Variants in SMCO2 observed in about 807,000 individuals in gnomAD.
The protein encoded by SMCO2 is single-pass membrane and coiled-coil domain-containing protein 2.
A neutral mutation model predicts 29.5 loss-of-function variants in SMCO2; 25 were observed. The ratio of observed to expected loss-of-function variants is 0.85; its 90% CI spans 0.62 to 1.18. The LOEUF (loss-of-function observed/expected upper bound fraction) is 1.18. Among genes scored for constraint, SMCO2 ranks in the 50% most tolerant of loss-of-function variants. The pLI, the probability that SMCO2 is intolerant of heterozygous loss-of-function variation, is 0.00. For missense variants in SMCO2, 348 were observed against 344.5 expected, an observed-to-expected ratio of 1.01 and a Z score of -0.08; for synonymous variants, 117 against 123.3, an observed-to-expected ratio of 0.95 and a Z score of 0.34.
chr12:27,458,888 GAA>G, the SMCO2 span, among the ~76,000 whole-genome samples: 22 of 76,862 alleles, frequency 2.9e-4, no homozygotes, highest in Admixed American at 8.1e-4. Flanking sequence ...ACTCTATCTC[GAA>G]AAAAAAAAAA....
chr12:27,429,488 A>G, the SMCO2 span, among the ~76,000 whole-genome samples: 1 of 152,070 alleles, frequency 6.6e-6, no homozygotes, highest in African/African-American at 2.4e-5. Context: ...CAAAAAAAAA[A>G]AAATAGTCCC....
At chr12:27,428,410 T>C in the SMCO2 span, among the ~76,000 whole-genome samples, 2 of 152,204 alleles carry the variant, frequency 1.3e-5, no homozygotes, top group Non-Finnish European at 2.9e-5. Flanking sequence ...CTATGTCAGA[T>C]TTTTCTCACT....
In SMCO2 at chr12:27,477,209, GGTTTTTT is replaced by G. The variant is rs372642658; in HGVS notation, c.362+2297_362+2303del. Among the ~76,000 whole-genome samples the G allele has an allele frequency of 3.5e-3, 464 of 134,058 alleles. 3 individuals carry two copies. Among genetic ancestry groups the G allele is most frequent in the Middle Eastern group, 0.029 (7 of 244 alleles). 87.9% of individuals were successfully genotyped at this position (134,058 alleles called of 152,430 possible). Reference sequence around the variant, plus strand: ...CTGGGTATAGTATTCTTGGCTGTCAGGTTTTTTTTTTTTTTTTTTTTTTTTTCCTCTC... The same window carrying G: ...CTGGGTATAGTATTCTTGGCTGTCAGTTTTTTTTTTTTTTTTTTTCCTCTC... On this transcript the variant is annotated intron_variant, in intron 4 of 7. Transcript: ENST00000298876.
At chr12:27,432,144 A>G in the SMCO2 span, among the ~76,000 whole-genome samples, 1 of 152,156 alleles carries the variant, frequency 6.6e-6, no homozygotes, top group Non-Finnish European at 1.5e-5. Flanking sequence ...GTTTTTAAAA[A>G]TATATTCTGG....
At chr12:27,430,272 A>G in the SMCO2 span, among the ~76,000 whole-genome samples, 1 of 152,230 alleles carries the variant, frequency 6.6e-6, no homozygotes, top group East Asian at 1.9e-4. Flanking sequence ...GTTAATAAAC[A>G]CAGTAGAGTT....
the SMCO2 span, among the ~76,000 whole-genome samples, chr12:27,440,654 T>G: frequency 1.2e-4 from 16 of 134,478 alleles, no homozygotes; most frequent in South Asian, 2.1e-4. Flanking sequence ...GTGGGTTTTT[T>G]TTTTTTTTTT....
chr12:27,424,716 C>T, the SMCO2 span: 2 of 152,218 alleles, frequency 1.3e-5, no homozygotes, highest in Admixed American at 1.3e-4. Context: ...ATTGGAGACT[C>T]ATACTTGCCC....
intron 5 of SMCO2, among the ~76,000 whole-genome samples, chr12:27,491,115 T>G (rs534711364): frequency 1.3e-5 from 2 of 151,888 alleles, no homozygotes; most frequent in African/African-American, 4.8e-5. Context: ...AAAGGAGAAA[T>G]TAGTTAATAA....
Position 27,479,544 on chromosome 12 carries a change from TATG to T in SMCO2, c.362+4636_362+4638del, listed in dbSNP as rs549785929. ...TAGTTTATTAGGGAGAACTGGCTCA[TATG>T]ATGACATGGTGATATGGTTTGGCTG... On this transcript the variant is annotated intron_variant, in intron 4 of 7. Coordinates refer to ENST00000298876, the Ensembl canonical transcript of SMCO2. 4.8e-3 allele frequency among the ~76,000 whole-genome samples: 725 copies of T among 152,320 alleles called. 5 individuals are homozygous for T. The highest frequency in any genetic ancestry group is 0.034 in the Middle Eastern group (10 of 294).
At chr12:27,488,334 A>G (rs1949706438) in intron 4 of SMCO2, 126 bp from the exon 6 acceptor site, 1 of 521,086 alleles carries the variant, frequency 1.9e-6, no homozygotes. Flanking sequence ...TCCCATTGCA[A>G]TACAAGCACT....
chr12:27,426,718 G>A, the SMCO2 span, among the ~76,000 whole-genome samples: 2 of 152,110 alleles, frequency 1.3e-5, no homozygotes, highest in Non-Finnish European at 2.9e-5. Context: ...TATATAAGTA[G>A]TACAACAGTA....
At chr12:27,426,514 C>G in the SMCO2 span, among the ~76,000 whole-genome samples, 1 of 152,170 alleles carries the variant, frequency 6.6e-6, no homozygotes, top group Non-Finnish European at 1.5e-5. Context: ...TGTAAATACC[C>G]TTGCAGAGCT....
the SMCO2 span, among the ~76,000 whole-genome samples, chr12:27,431,340 C>T: frequency 6.6e-6 from 1 of 152,196 alleles, no homozygotes; most frequent in South Asian, 2.1e-4. Flanking sequence ...CTGAACCACA[C>T]ATTTAGTGGT....
At position 27,500,535 on chromosome 12, in the gene SMCO2, T is replaced by C. The variant is rs181566286; in HGVS notation, c.684-1388T>C. Reference sequence around the variant, plus strand: ...TTTGTTTTACTTTCCAAAAACTTAATGTTAAAATGTGTTTCTTTGAAAATG... The same window carrying C: ...TTTGTTTTACTTTCCAAAAACTTAACGTTAAAATGTGTTTCTTTGAAAATG... On this transcript the variant is annotated intron_variant, in intron 7 of 7. Coordinates refer to ENST00000298876, the Ensembl canonical transcript of SMCO2. Among the ~76,000 whole-genome samples the C allele has an allele frequency of 1.4e-4, 21 of 151,014 alleles. 1 individual carries two copies. The highest frequency in any genetic ancestry group is 4.7e-4 in the African/African-American group (19 of 40,556).
chr12:27,496,744 T>C (rs1175110433), intron 7 of SMCO2, among the ~76,000 whole-genome samples: 2 of 150,864 alleles, frequency 1.3e-5, no homozygotes, highest in Admixed American at 6.6e-5. Context: ...GTTGTTCTTT[T>C]ATTTTTTGCT....
intron 5 of SMCO2, among the ~76,000 whole-genome samples, chr12:27,492,416 G>A (rs571123166): frequency 6.6e-6 from 1 of 152,088 alleles, no homozygotes; most frequent in South Asian, 2.1e-4. Context: ...CTATTTCTGA[G>A]GCTGGGCATG....
intron 4 of SMCO2, 42 bp downstream of exon 5, chr12:27,475,773 GT>G: frequency 7.1e-7 from 1 of 1,400,616 alleles, no homozygotes; most frequent in Non-Finnish European, 9.3e-7. Context: ...ATAGCAGAAA[GT>G]TTCATAGCTT....
At chr12:27,462,441 A>C (rs142093538), upstream of SMCO2, among the ~76,000 whole-genome samples, 1 of 152,220 alleles carries the variant, frequency 6.6e-6, no homozygotes, top group African/African-American at 2.4e-5. Flanking sequence ...ACAATGAATA[A>C]TATTCTCTTT....
intron 1 of SMCO2, among the ~76,000 whole-genome samples, chr12:27,468,699 G>A (rs1239561998): frequency 6.6e-6 from 1 of 152,188 alleles, no homozygotes; most frequent in Non-Finnish European, 1.5e-5. Context: ...CTTTGGAGGT[G>A]GGAGGTGGGG....
Sources: allele counts gnomAD v4.1 joint callset (sites outside exome capture counted in the v4.1 genomes callset), GRCh38; gene constraint gnomAD v4.1.1; transcripts MANE v1.5; gene names NCBI Gene and HGNC (gene_info 2026-07-23, HGNC 2026-07-21).